PRH1: variants seen among roughly 807,000 people sequenced by gnomAD.
PRH1 encodes the protein salivary acidic proline-rich phosphoprotein 1/2.
In PRH1, 7 loss-of-function variants were observed where a neutral mutation model predicts 7.9. The ratio of observed to expected loss-of-function variants is 0.89; its 90% CI spans 0.50 to 1.67. The LOEUF is 1.67. Among genes scored for constraint, PRH1 ranks in the 40% most tolerant of loss-of-function variants. The probability of loss-of-function intolerance (pLI) is 0.00; values close to 1 mark genes in which losing one functional copy is unlikely to be tolerated. For missense variants in PRH1, 109 were observed against 223.6 expected, an observed-to-expected ratio of 0.49 and a Z score of 3.27; for synonymous variants, 45 against 80.8, an observed-to-expected ratio of 0.56 and a Z score of 2.38.
At chr12:10,977,976 A>T (rs557454283) in intron 1 of PRH1, among the ~76,000 whole-genome samples, 1 of 152,268 alleles carries the variant, frequency 6.6e-6, no homozygotes, top group South Asian at 2.1e-4. Context: ...TAAAATGCCC[A>T]TGCTGCCTAA....
chr12:10,938,418 G>A, intron 2 of PRH1: 2 of 1,614,008 alleles, frequency 1.2e-6, no homozygotes, highest in East Asian at 2.2e-5. Flanking sequence ...ACCTGGGAAA[G>A]AATAATTAGA....
chr12:10,980,870 C>A (rs769481537), intron 1 of PRH1, among the ~76,000 whole-genome samples: 24 of 152,312 alleles, frequency 1.6e-4, no homozygotes, highest in Middle Eastern at 3.4e-3. Context: ...TGAAGACCGA[C>A]CATTGGCAAC....
At chr12:11,092,232 C>A (rs371835994) in intron 1 of PRH1, 1 of 1,276,322 alleles carries the variant, frequency 7.8e-7, no homozygotes, top group Non-Finnish European at 1.1e-6. Context: ...GTTATCATGT[C>A]TGAACAGACA....
chr12:11,013,013 GGA>G (rs1332242457), intron 1 of PRH1, among the ~76,000 whole-genome samples: 1 of 152,140 alleles, frequency 6.6e-6, no homozygotes, highest in African/African-American at 2.4e-5. Context: ...TCCAGCACAA[GGA>G]GAGTCTTTGC....
At chr12:10,987,311 A>AACG (rs1180688905) in intron 1 of PRH1, among the ~76,000 whole-genome samples, 2 of 152,134 alleles carry the variant, frequency 1.3e-5, no homozygotes, top group Non-Finnish European at 2.9e-5. Context: ...TCATACAGTA[A>AACG]ATGTCTAAGT....
chr12:11,094,060 A>G (rs66459824), intron 1 of PRH1, among the ~76,000 whole-genome samples: 110,079 of 110,978 alleles, frequency 0.99, 54,817 homozygotes, highest in Middle Eastern at 1. Flanking sequence ...GGTCCAGTGC[A>G]GGCAAGGCTG....
At chr12:10,908,979 T>C (rs1189381410) in intron 2 of PRH1, 2 of 1,613,680 alleles carry the variant, frequency 1.2e-6, no homozygotes, top group Non-Finnish European at 8.5e-7. Context: ...TTTGAGCAAA[T>C]AAAAGATGCT....
chr12:10,976,298 TAAAC>T (rs938142740), intron 1 of PRH1, among the ~76,000 whole-genome samples: 11 of 152,140 alleles, frequency 7.2e-5, no homozygotes, highest in African/African-American at 1.9e-4. Flanking sequence ...ACATGGAAAT[TAAAC>T]AACCCTCTCC....
At chr12:11,062,067 G>A (rs777100331) in intron 1 of PRH1, 4 of 1,613,660 alleles carry the variant, frequency 2.5e-6, no homozygotes, top group South Asian at 1.1e-5. Flanking sequence ...CTTCTATACT[G>A]TTAAAAGCTG....
At chr12:11,108,719 T>G (rs2092449422) in intron 1 of PRH1, among the ~76,000 whole-genome samples, 1 of 152,110 alleles carries the variant, frequency 6.6e-6, no homozygotes, top group Non-Finnish European at 1.5e-5. Context: ...GGGCCATGGG[T>G]CTCAAGCATA....
intron 1 of PRH1, among the ~76,000 whole-genome samples, chr12:11,063,679 C>T (rs1312631209): frequency 6.6e-6 from 1 of 152,050 alleles, no homozygotes; most frequent in Non-Finnish European, 1.5e-5. Flanking sequence ...TATGTACAAC[C>T]TTGTTGTGTC....
chr12:11,061,719 C>A (rs2136181959), intron 1 of PRH1: 10 of 1,614,144 alleles, frequency 6.2e-6, no homozygotes, highest in Non-Finnish European at 8.5e-6. Context: ...GAAAAGATAT[C>A]AGGGTCAGAG....
chr12:10,986,039 G>C (rs761010293), intron 1 of PRH1: 3 of 1,613,984 alleles, frequency 1.9e-6, no homozygotes, highest in East Asian at 2.2e-5. Context: ...TGAATGAGTC[G>C]AATGCAAGAT....
At chr12:11,141,520 G>T (rs1946703759) in intron 1 of PRH1, among the ~76,000 whole-genome samples, 1 of 152,122 alleles carries the variant, frequency 6.6e-6, no homozygotes, top group Non-Finnish European at 1.5e-5. Context: ...GAGTCAGACT[G>T]CCAAGACAGG....
intron 1 of PRH1, among the ~76,000 whole-genome samples, chr12:11,115,801 G>A (rs1156726686): frequency 6.6e-6 from 1 of 151,826 alleles, no homozygotes; most frequent in Non-Finnish European, 1.5e-5. Flanking sequence ...ATGACCAGTA[G>A]GTCATCAAAG....
intron 2 of PRH1, among the ~76,000 whole-genome samples, chr12:10,927,299 A>G (rs1158334806): frequency 1.3e-5 from 2 of 152,144 alleles, no homozygotes; most frequent in Admixed American, 6.5e-5. Context: ...CCTTTTTGAC[A>G]TGATGGTTGA....
chr12:11,106,567 T>A (rs762988687), intron 1 of PRH1, among the ~76,000 whole-genome samples: 69 of 152,244 alleles, frequency 4.5e-4, no homozygotes, highest in Non-Finnish European at 6.9e-4. Context: ...CGTTTTCCAT[T>A]GAAGAGTCTA....
chr12:10,895,888 A>G (rs912143531), intron 2 of PRH1: 1 of 152,240 alleles, frequency 6.6e-6, no homozygotes, highest in Non-Finnish European at 1.5e-5. Context: ...ACATGCCTCT[A>G]CATAGTGAAT....
At chr12:10,892,387 TC>T (rs1949587056) in intron 2 of PRH1, among the ~76,000 whole-genome samples, 1 of 152,198 alleles carries the variant, frequency 6.6e-6, no homozygotes, top group African/African-American at 2.4e-5. Context: ...AATGTTTCTT[TC>T]TTTTGCATAC....
Sources: allele counts gnomAD v4.1 joint callset (sites outside exome capture counted in the v4.1 genomes callset), GRCh38; gene constraint gnomAD v4.1.1; transcripts MANE v1.5; gene names NCBI Gene and HGNC (gene_info 2026-07-23, HGNC 2026-07-21).